The following ADCY2 variants were observed in gnomAD, a reference collection of about 807,000 sequenced individuals.
ADCY2 encodes the protein adenylate cyclase type 2.
Under a neutral mutation model 125.2 loss-of-function variants are expected in ADCY2, and 31 were observed. The observed-to-expected ratio is 0.25, with a 90% confidence interval of 0.19 to 0.33. The LOEUF (loss-of-function observed/expected upper bound fraction) is 0.33. ADCY2 is among the 10% of genes least tolerant of loss of function. The pLI is 1.00. For synonymous variants in ADCY2, 512 were observed against 548.4 expected (o/e 0.93, Z 0.93); for missense variants, 904 against 1,418.2 (o/e 0.64, Z 5.82).
In ADCY2 at chr5:7,829,435, T is replaced by C. The variant is rs1451505726; in HGVS notation, c.*2564T>C. On this transcript the variant is annotated 3_prime_UTR_variant, in exon 25 of 25. Coordinates refer to ENST00000338316, the MANE Select transcript of ADCY2 (RefSeq NM_020546.3). ...CTTGAATCTGAAAGAGCATTATTCCTGGTCAAAGCTCCTTAAAGTTCTGGG... is the reference window on the plus strand; with the variant it reads ...CTTGAATCTGAAAGAGCATTATTCCCGGTCAAAGCTCCTTAAAGTTCTGGG... 1 of 152,730 alleles carries C rather than the reference T, an allele frequency of 6.5e-6. No homozygotes were observed. The highest frequency in any genetic ancestry group is 1.5e-5 in the Non-Finnish European group (1 of 68,044). The allele number at this position is 152,730 out of a possible 1,614,324, so 9.5% of individuals were successfully genotyped here. A position where few individuals can be genotyped will look rare whatever the true frequency, so the allele number is the denominator to read the frequency against.
chr5:7,822,289 G>C (rs1257709882), intron 24 of ADCY2, among the ~76,000 whole-genome samples: 1 of 152,172 alleles, frequency 6.6e-6, no homozygotes, highest in Non-Finnish European at 1.5e-5. Context: ...TGTGGTTAGA[G>C]ATTATCTTTT....
rs112493968 is a variant in ADCY2 at position 7,707,748 on chromosome 5, C to T, written c.1311C>T (p.Gly437=). 724 of 1,613,966 alleles carry T rather than the reference C, an allele frequency of 4.5e-4. 3 individuals are homozygous for T. In the African/African-American group the frequency reaches 4.6e-3, roughly 10 times the overall value. The change falls in exon 9 of 25, where the codon GGC becomes GGT. Residue 437 remains glycine (G), a synonymous_variant. Transcript: ENST00000338316. ...ISSVTLEHLN[G]AYKVEEGDGD... ...CTGTCACCCTGGAGCACTTGAATGG[C>T]GCTTATAAAGTGGAGGAGGGAGATG...
At chr5:7,781,804 C>T (rs1035098995) in intron 18 of ADCY2, among the ~76,000 whole-genome samples, 1 of 152,192 alleles carries the variant, frequency 6.6e-6, no homozygotes, top group African/African-American at 2.4e-5. Flanking sequence ...TCCCACCATG[C>T]TCCATGCCCC....
At chr5:7,616,410 T>G (rs1299761451) in intron 3 of ADCY2, among the ~76,000 whole-genome samples, 2 of 152,242 alleles carry the variant, frequency 1.3e-5, no homozygotes, top group Non-Finnish European at 2.9e-5. Context: ...GAAGCCTGCC[T>G]TGTATCATTT....
chr5:7,469,917 C>T (rs1412146545), intron 2 of ADCY2, among the ~76,000 whole-genome samples: 1 of 151,142 alleles, frequency 6.6e-6, no homozygotes, highest in African/African-American at 2.4e-5. Flanking sequence ...TCTATATGTA[C>T]TTTCTATAGG....
intron 14 of ADCY2, among the ~76,000 whole-genome samples, chr5:7,727,618 T>TA (rs1259042735): frequency 4.6e-5 from 7 of 152,098 alleles, no homozygotes; most frequent in African/African-American, 1.4e-4. Context: ...AATAAACAAA[T>TA]ACCATTATCT....
chr5:7,404,300 T>C (rs1019870423), intron 1 of ADCY2, among the ~76,000 whole-genome samples: 12 of 152,304 alleles, frequency 7.9e-5, no homozygotes, highest in African/African-American at 2.9e-4. Flanking sequence ...TCCCTCTTTG[T>C]TTATCTTATC....
chr5:7,462,612 C>T (rs1741953461), intron 2 of ADCY2, among the ~76,000 whole-genome samples: 1 of 152,280 alleles, frequency 6.6e-6, no homozygotes, highest in Admixed American at 6.5e-5. Context: ...TAACTGATGG[C>T]AGTTATTACC....
At chr5:7,506,874 G>A (rs1167838844) in intron 2 of ADCY2, among the ~76,000 whole-genome samples, 2 of 117,396 alleles carry the variant, frequency 1.7e-5, no homozygotes, top group African/African-American at 6.5e-5. Flanking sequence ...TGCAAGCCCC[G>A]CCTCCCGGGT....
chr5:7,612,658 G>A (rs1313813206), intron 3 of ADCY2, among the ~76,000 whole-genome samples: 2 of 152,184 alleles, frequency 1.3e-5, no homozygotes, highest in African/African-American at 4.8e-5. Context: ...GGGAGTGAAG[G>A]GTGAGAAGGA....
rs577184323 is a variant in ADCY2, at chr5:7,750,791, TC to T, written c.1957-6657del. On this transcript the variant is annotated intron_variant, in intron 15 of 24. Transcript: ENST00000338316. Reference sequence around the variant, plus strand: ...GTTTTTGTAGGATTTGCTCTTTGTATCATGGGCAGTAGATTCCAGGTGTCAA... The same window carrying T: ...GTTTTTGTAGGATTTGCTCTTTGTATATGGGCAGTAGATTCCAGGTGTCAA... Among the ~76,000 whole-genome samples, 254 of 152,256 alleles carry T rather than the reference TC, an allele frequency of 1.7e-3. 2 individuals are homozygous for T. The highest frequency in any genetic ancestry group is 5.8e-3 in the African/African-American group (240 of 41,542).
chr5:7,551,290 G>T (rs1235393829), intron 3 of ADCY2, among the ~76,000 whole-genome samples: 1 of 152,060 alleles, frequency 6.6e-6, no homozygotes, highest in Non-Finnish European at 1.5e-5. Flanking sequence ...ATGACAGTTA[G>T]GATTCAGAGC....
intron 2 of ADCY2, among the ~76,000 whole-genome samples, chr5:7,493,498 G>T (rs1743239651): frequency 6.6e-6 from 1 of 152,176 alleles, no homozygotes; most frequent in African/African-American, 2.4e-5. Flanking sequence ...CACCAACATG[G>T]ATGGACAAGG....
chr5:7,571,448 G>A (rs560576057), intron 3 of ADCY2, among the ~76,000 whole-genome samples: 30 of 152,230 alleles, frequency 2.0e-4, no homozygotes, highest in African/African-American at 6.5e-4. Flanking sequence ...GACCCTCAGT[G>A]GATTTGATGA....
intron 4 of ADCY2, among the ~76,000 whole-genome samples, chr5:7,627,133 C>T (rs756255913): frequency 2.6e-5 from 4 of 152,094 alleles, no homozygotes; most frequent in African/African-American, 4.8e-5. Flanking sequence ...CTTCCTACAG[C>T]GCCTGTTGTC....
At chr5:7,570,069 A>G (rs746433988) in intron 3 of ADCY2, among the ~76,000 whole-genome samples, 1 of 152,150 alleles carries the variant, frequency 6.6e-6, no homozygotes, top group African/African-American at 2.4e-5. Flanking sequence ...AGGTCACACA[A>G]TCACTATAAG....
chr5:7,474,376 A>C (rs1374720955), intron 2 of ADCY2, among the ~76,000 whole-genome samples: 1 of 152,174 alleles, frequency 6.6e-6, no homozygotes, highest in Non-Finnish European at 1.5e-5. Flanking sequence ...GAAGGGAAAA[A>C]ATGGGAGTGC....
Position 7,651,763 on chromosome 5 carries a change from A to G in ADCY2, c.720+25447A>G, listed in dbSNP as rs561138719. Among the ~76,000 whole-genome samples the G allele has an allele frequency of 2.6e-5, 4 of 152,240 alleles. No homozygotes were observed. In the South Asian group the frequency reaches 6.2e-4, roughly 24 times the overall value. The stretch of plus-strand genomic sequence containing the variant: ...GTGTTAACCATTACCATGTCCATTA[A>G]TGAACATCTCTTCCAACCTTCACGT... On this transcript the variant is annotated intron_variant, in intron 4 of 24. Transcript: ENST00000338316.
chr5:7,407,264 C>T (rs948873751), intron 1 of ADCY2, among the ~76,000 whole-genome samples: 2 of 152,166 alleles, frequency 1.3e-5, no homozygotes, highest in African/African-American at 4.8e-5. Context: ...GTGGAAAAGT[C>T]AGAACATTCA....
Sources: allele counts gnomAD v4.1 joint callset (sites outside exome capture counted in the v4.1 genomes callset), GRCh38; gene constraint gnomAD v4.1.1; transcripts MANE v1.5; gene names NCBI Gene and HGNC (gene_info 2026-07-23, HGNC 2026-07-21).